Variants in ZBTB20 observed in about 807,000 individuals in gnomAD.
The protein encoded by ZBTB20 is zinc finger and BTB domain containing 20.
ZBTB20 carries 9 observed loss-of-function variants against 56.9 expected under a neutral mutation model. The ratio of observed to expected loss-of-function variants is 0.16; its 90% CI spans 0.10 to 0.28. ZBTB20 has a LOEUF of 0.28. ZBTB20 is among the 10% of genes least tolerant of loss of function. The pLI is 1.00. For synonymous variants in ZBTB20, 417 were observed against 420.7 expected, an observed-to-expected ratio of 0.99 and a Z score of 0.11; for missense variants, 655 against 1,003.0, an observed-to-expected ratio of 0.65 and a Z score of 4.69.
At chr3:115,140,500 G>T (rs1485150769) in intron 1 of ZBTB20, among the ~76,000 whole-genome samples, 6 of 151,872 alleles carry the variant, frequency 4.0e-5, no homozygotes, top group Admixed American at 3.9e-4. Flanking sequence ...TTGTCTAAAG[G>T]AAGCCTGAGA....
At chr3:114,479,442 G>A (rs975889948) in intron 7 of ZBTB20, among the ~76,000 whole-genome samples, 1 of 152,168 alleles carries the variant, frequency 6.6e-6, no homozygotes, top group East Asian at 1.9e-4. Context: ...CCTCAGTAGA[G>A]TATTAAGAGG....
chr3:114,386,279 T>C (rs796935750), intron 8 of ZBTB20, among the ~76,000 whole-genome samples: 5 of 152,376 alleles, frequency 3.3e-5, no homozygotes, highest in African/African-American at 1.2e-4. Flanking sequence ...AATCTTATTT[T>C]TTTTAACCTT....
chr3:114,770,576 T>G (rs1349293836), intron 5 of ZBTB20, among the ~76,000 whole-genome samples: 1 of 152,192 alleles, frequency 6.6e-6, no homozygotes, highest in East Asian at 1.9e-4. Flanking sequence ...CCAATTGTTA[T>G]GTTCTTGCCT....
intron 1 of ZBTB20, among the ~76,000 whole-genome samples, chr3:115,141,486 G>T (rs1676179122): frequency 6.6e-6 from 1 of 152,112 alleles, no homozygotes; most frequent in South Asian, 2.1e-4. Flanking sequence ...GTGAGTTTTT[G>T]ATTATATGAA....
chr3:114,337,926 C>CACA lies in ZBTB20; in HGVS notation c.*1076_*1078dup, dbSNP rs2079516288. On this transcript the variant is annotated 3_prime_UTR_variant, in exon 12 of 12. Coordinates refer to ENST00000675478, the MANE Select transcript of ZBTB20 (RefSeq NM_001348800.3). ...TTCACTTTTTTTGTTTTTTTTTTTA[C>CACA]ACAAATACTGTTGTAAATATATTAA... 6.7e-6 allele frequency: 1 copy of CACA among 149,034 alleles called. No individual in the cohort carries two copies. Among genetic ancestry groups the CACA allele is most frequent in the African/African-American group, 2.5e-5 (1 of 40,512 alleles). 9.2% of individuals were successfully genotyped at this position (149,034 alleles called of 1,614,324 possible).
At chr3:114,358,306 T>C (rs1298793102) in intron 10 of ZBTB20, among the ~76,000 whole-genome samples, 1 of 152,182 alleles carries the variant, frequency 6.6e-6, no homozygotes, top group Non-Finnish European at 1.5e-5. Flanking sequence ...GTTTGAAGTA[T>C]GGGGAACAAA....
At chr3:114,781,382 GT>G (rs1188693054) in intron 5 of ZBTB20, among the ~76,000 whole-genome samples, 2 of 152,188 alleles carry the variant, frequency 1.3e-5, no homozygotes, top group Admixed American at 1.3e-4. Flanking sequence ...CTTCTAATAT[GT>G]ACAAGCCTGT....
intron 3 of ZBTB20, chr3:114,931,234 G>T: frequency 5.3e-6 from 1 of 189,238 alleles, no homozygotes; most frequent in South Asian, 1.2e-4. Context: ...ATTCCTCAGG[G>T]AACCTCATCG....
chr3:114,503,687 T>G (rs2044266511), intron 6 of ZBTB20, among the ~76,000 whole-genome samples: 1 of 151,768 alleles, frequency 6.6e-6, no homozygotes, highest in South Asian at 2.1e-4. Flanking sequence ...GCCCAAGTAA[T>G]TCAGGACGTT....
rs375117374 is a variant in ZBTB20, at chr3:114,961,756, C to T, written c.-456+12610G>A. ...GCTTCTTTGTTCATTCACCATGTCT[C>T]TTTTGATATGCACAGATAATAAAAG... On this transcript the variant is annotated intron_variant, in intron 3 of 11. Coordinates refer to ENST00000675478, the MANE Select transcript of ZBTB20 (RefSeq NM_001348800.3). Among the ~76,000 whole-genome samples, 75 of 152,156 alleles carry T rather than the reference C, an allele frequency of 4.9e-4. No individual in the cohort carries two copies. The East Asian group carries it at 0.013, about 25-fold the overall frequency.
At chr3:115,083,333 G>T (rs2082864853) in intron 1 of ZBTB20, among the ~76,000 whole-genome samples, 1 of 151,790 alleles carries the variant, frequency 6.6e-6, no homozygotes, top group Non-Finnish European at 1.5e-5. Context: ...TAAATCCAAA[G>T]TCTTATTAGA....
At chr3:115,038,455 A>T (rs2081015194) in intron 2 of ZBTB20, among the ~76,000 whole-genome samples, 1 of 152,186 alleles carries the variant, frequency 6.6e-6, no homozygotes, top group Admixed American at 6.5e-5. Context: ...AAATAAATAG[A>T]TGTAAATACA....
rs536881144 is a variant in ZBTB20, at chr3:115,144,933, C to T, written c.-703+2286G>A. 20 of 152,312 alleles carry T rather than the reference C, an allele frequency of 1.3e-4. No homozygotes were observed. The East Asian group carries it at 3.9e-3, about 29-fold the overall frequency. The allele number at this position is 152,312 out of a possible 1,614,324, so 9.4% of individuals were successfully genotyped here. A position where few individuals can be genotyped will look rare whatever the true frequency, so the allele number is the denominator to read the frequency against. On this transcript the variant is annotated intron_variant, in intron 1 of 11. Transcript: ENST00000675478. The stretch of plus-strand genomic sequence containing the variant: ...CTGAAATCATAAAACCAAAAATATC[C>T]AATTGCCCAACTCACTGAGCAGCTA...
At chr3:114,643,588 G>A (rs781258977) in intron 6 of ZBTB20, among the ~76,000 whole-genome samples, 1 of 152,122 alleles carries the variant, frequency 6.6e-6, no homozygotes, top group Non-Finnish European at 1.5e-5. Context: ...TACTAGACAT[G>A]TTTTCCTGCA....
intron 6 of ZBTB20, among the ~76,000 whole-genome samples, chr3:114,537,456 G>C (rs1304572816): frequency 6.6e-6 from 1 of 152,210 alleles, no homozygotes; most frequent in African/African-American, 2.4e-5. Flanking sequence ...ACGCCAGTTA[G>C]AATGGCGATC....
rs1305659647 is a variant in ZBTB20 at position 115,023,277 on chromosome 3, A to T, written c.-507+47942T>A. ...TTAAAAAATGGACAGTTTACTTTCT[A>T]TTCATAGCTTACACAGTAAAACTGT... is the stretch of plus-strand genomic sequence containing the variant. On this transcript the variant is annotated intron_variant, in intron 2 of 11. Transcript: ENST00000675478. Among the ~76,000 whole-genome samples the T allele has an allele frequency of 4.0e-5, 6 of 150,970 alleles. No homozygotes were observed. The East Asian group carries it at 1.2e-3, about 29-fold the overall frequency.
intron 6 of ZBTB20, among the ~76,000 whole-genome samples, chr3:114,534,790 C>T (rs1339810483): frequency 1.3e-5 from 2 of 152,194 alleles, no homozygotes; most frequent in Non-Finnish European, 2.9e-5. Flanking sequence ...AACAAACAGT[C>T]TCTCAGACCA....
At position 114,316,822 on chromosome 3, in the gene ZBTB20, G is replaced by A. The variant is rs191356429; in HGVS notation, c.*22183C>T. 3.4e-5 allele frequency: 9 copies of A among 265,092 alleles called. No individual in the cohort carries two copies. Among genetic ancestry groups the A allele is most frequent in the East Asian group, 1.3e-4 (1 of 7,742 alleles). 16.4% of individuals were successfully genotyped at this position (265,092 alleles called of 1,614,324 possible). A position where few individuals can be genotyped will look rare whatever the true frequency, so the allele number is the denominator to read the frequency against. On this transcript the variant is annotated 3_prime_UTR_variant, in exon 12 of 12. Transcript: ENST00000675478. ...GGGCTGACGTGGCAGTGCCAGGCTC[G>A]TGCCTGAGTGATTAATGGACATTCT...
At chr3:114,599,627 CTT>C in intron 6 of ZBTB20, among the ~76,000 whole-genome samples, 1 of 152,126 alleles carries the variant, frequency 6.6e-6, no homozygotes, top group South Asian at 2.1e-4. Context: ...ATAGCTAACT[CTT>C]ATTGGTTGCT....
Sources: gnomAD v4.1 joint callset for allele counts (sites outside exome capture counted in the v4.1 genomes callset) on GRCh38, gnomAD v4.1.1 for gene constraint, MANE v1.5 for transcripts, NCBI Gene and HGNC (gene_info 2026-07-23, HGNC 2026-07-21) for gene names.